The following SAMSN1 variants were observed in gnomAD, a reference collection of about 807,000 sequenced individuals.
SAMSN1 encodes the protein SAM domain, SH3 domain and nuclear localization signals 1, also known as SAM domain-containing protein SAMSN-1.
Under a neutral mutation model 42.0 loss-of-function variants are expected in SAMSN1, and 31 were observed. The ratio of observed to expected loss-of-function variants is 0.74; its 90% confidence interval spans 0.55 to 1.00. The LOEUF is 1.00. SAMSN1 is among the 50% of genes least tolerant of loss of function. The probability of loss-of-function intolerance (pLI) is 0.00; values close to 1 mark genes in which losing one functional copy is unlikely to be tolerated. For missense variants in SAMSN1, 464 were observed against 439.4 expected (o/e 1.06, Z -0.50); for synonymous variants, 178 against 151.9 (o/e 1.17, Z -1.26).
chr21:14,577,243 T>A (rs1473114575), intron 2 of SAMSN1, among the ~76,000 whole-genome samples: 1,677 of 24,378 alleles, frequency 0.069, 108 homozygotes, highest in South Asian at 0.082. Flanking sequence ...TGTGTGTATA[T>A]ATATATATAT....
chr21:14,511,326 C>T (rs986765825), intron 4 of SAMSN1, among the ~76,000 whole-genome samples: 1 of 152,128 alleles, frequency 6.6e-6, no homozygotes, highest in African/African-American at 2.4e-5. Flanking sequence ...CTCTTCACAC[C>T]CTCCCTTCCA....
chr21:14,614,273 A>G (rs1253103061), intron 3 of SAMSN1, among the ~76,000 whole-genome samples: 2 of 144,406 alleles, frequency 1.4e-5, no homozygotes, highest in Admixed American at 6.8e-5. Context: ...TATTAATACA[A>G]AAACAGTGGG....
At chr21:14,531,156 G>A (rs2123091134) in intron 1 of SAMSN1, among the ~76,000 whole-genome samples, 1 of 152,110 alleles carries the variant, frequency 6.6e-6, no homozygotes, top group Admixed American at 6.5e-5. Context: ...GTTTAAAAAA[G>A]CAACTATTAG....
At chr21:14,537,019 GTA>G (rs1212060226) in intron 1 of SAMSN1, among the ~76,000 whole-genome samples, 2 of 152,150 alleles carry the variant, frequency 1.3e-5, no homozygotes, top group African/African-American at 2.4e-5. Context: ...ACTCCCTTCA[GTA>G]TATTTGAAAC....
chr21:14,620,492 C>G (rs1236182393), intron 2 of SAMSN1, among the ~76,000 whole-genome samples: 1 of 152,168 alleles, frequency 6.6e-6, no homozygotes, highest in Non-Finnish European at 1.5e-5. Context: ...AACCTCTTTC[C>G]TTTATAGATT....
intron 5 of SAMSN1, among the ~76,000 whole-genome samples, chr21:14,602,702 CT>C (rs1982467533): frequency 6.6e-6 from 1 of 152,196 alleles, no homozygotes. Flanking sequence ...GAGGACAAGA[CT>C]TTATGGGTCA....
chr21:14,562,944 G>T (rs1302263516), intron 2 of SAMSN1, among the ~76,000 whole-genome samples: 1 of 152,156 alleles, frequency 6.6e-6, no homozygotes, highest in Non-Finnish European at 1.5e-5. Context: ...AAGCTCTGAT[G>T]TTCCTAAGTC....
chr21:14,558,510 C>T (rs1391132132), intron 2 of SAMSN1, among the ~76,000 whole-genome samples: 1 of 151,364 alleles, frequency 6.6e-6, no homozygotes, highest in Non-Finnish European at 1.5e-5. Context: ...GAAACACCAT[C>T]TTTACTAAAA....
intron 5 of SAMSN1, among the ~76,000 whole-genome samples, chr21:14,504,653 G>T (rs972316294): frequency 2.0e-5 from 3 of 152,186 alleles, no homozygotes; most frequent in African/African-American, 7.2e-5. Context: ...AGGAAGAAGA[G>T]AAATCTAAAA....
At chr21:14,510,711 C>T (rs1987653394) in intron 4 of SAMSN1, among the ~76,000 whole-genome samples, 1 of 152,222 alleles carries the variant, frequency 6.6e-6, no homozygotes, top group South Asian at 2.1e-4. Flanking sequence ...TACCCTCTCA[C>T]TTCAGTCTCC....
At chr21:14,624,639 C>A (rs1983112306) in intron 2 of SAMSN1, among the ~76,000 whole-genome samples, 1 of 152,112 alleles carries the variant, frequency 6.6e-6, no homozygotes, top group Admixed American at 6.5e-5. Flanking sequence ...TAATTAATAG[C>A]CTACCAACCA....
chr21:14,488,386 G>A (rs1452567767), intron 7 of SAMSN1, among the ~76,000 whole-genome samples: 1 of 152,118 alleles, frequency 6.6e-6, no homozygotes, highest in African/African-American at 2.4e-5. Context: ...GTTCTATTTA[G>A]GTTGATTACC....
intron 5 of SAMSN1, among the ~76,000 whole-genome samples, chr21:14,501,804 C>A (rs1359234982): frequency 6.6e-6 from 1 of 152,160 alleles, no homozygotes; most frequent in African/African-American, 2.4e-5. Context: ...GAGCTCACAG[C>A]AAAGTTTAGA....
At chr21:14,567,916 A>T (rs2123212573) in intron 2 of SAMSN1, among the ~76,000 whole-genome samples, 1 of 152,282 alleles carries the variant, frequency 6.6e-6, no homozygotes, top group South Asian at 2.1e-4. Flanking sequence ...CATATGAGAG[A>T]TTCTCAAAAA....
intron 1 of SAMSN1, among the ~76,000 whole-genome samples, chr21:14,537,989 A>G (rs940187558): frequency 1.3e-5 from 2 of 152,138 alleles, no homozygotes; most frequent in Non-Finnish European, 2.9e-5. Context: ...CATGTTCTAG[A>G]CTTCATTTTC....
chr21:14,494,893 C>T (rs1986849909), intron 7 of SAMSN1, among the ~76,000 whole-genome samples: 1 of 152,100 alleles, frequency 6.6e-6, no homozygotes, highest in Non-Finnish European at 1.5e-5. Context: ...TCACATAGGA[C>T]TTGTCTTTTC....
intron 2 of SAMSN1, among the ~76,000 whole-genome samples, chr21:14,555,804 T>C (rs1027224663): frequency 3.9e-5 from 6 of 152,226 alleles, no homozygotes; most frequent in Non-Finnish European, 7.3e-5. Flanking sequence ...TCGTGCCTCA[T>C]TTGGCAGAAA....
chr21:14,567,905 A>G lies in SAMSN1; in HGVS notation c.261+14231T>C, dbSNP rs371718699. On this transcript the variant is annotated intron_variant, in intron 2 of 8. Transcript: ENST00000285670. ...ATTTAATAACTTGTGAAAATAATATACATATGAGAGATTCTCAAAAAGACT... is the reference window on the plus strand; with the variant it reads ...ATTTAATAACTTGTGAAAATAATATGCATATGAGAGATTCTCAAAAAGACT... Among the ~76,000 whole-genome samples the G allele has an allele frequency of 3.8e-4, 58 of 152,304 alleles. 2 individuals carry two copies. The highest frequency in any genetic ancestry group is 1.3e-3 in the African/African-American group (54 of 41,574).
At chr21:14,616,809 G>A (rs1409789273) in intron 2 of SAMSN1, among the ~76,000 whole-genome samples, 3 of 152,102 alleles carry the variant, frequency 2.0e-5, no homozygotes, top group African/African-American at 7.2e-5. Context: ...TTTTGAGGGG[G>A]AAAAACACAA....
Sources: gnomAD v4.1 joint callset for allele counts (sites outside exome capture counted in the v4.1 genomes callset) on GRCh38, gnomAD v4.1.1 for gene constraint, MANE v1.5 for transcripts, NCBI Gene and HGNC (gene_info 2026-07-23, HGNC 2026-07-21) for gene names.